The following COPS2 variants were observed in gnomAD, a reference collection of about 807,000 sequenced individuals.
COPS2 encodes COP9 signalosome complex subunit 2.
Under a neutral mutation model 66.1 loss-of-function variants are expected in COPS2, and 10 were observed. The observed-to-expected ratio is 0.15, with a 90% CI of 0.09 to 0.26. The LOEUF is 0.26. Ranked by LOEUF, COPS2 falls within the 10% of genes least tolerant of loss-of-function variation. The pLI, the probability that COPS2 is intolerant of heterozygous loss-of-function variation, is 1.00. For synonymous variants in COPS2, 179 were observed against 171.3 expected (o/e 1.04, Z -0.35); for missense variants, 215 against 513.3 (o/e 0.42, Z 5.62).
chr15:49,134,119 TAAGAC>T lies in COPS2; in HGVS notation c.716-16_716-12del. 1 of 1,598,894 alleles carries T rather than the reference TAAGAC, an allele frequency of 6.3e-7. No individual in the cohort carries two copies. Among genetic ancestry groups the T allele is most frequent in the Non-Finnish European group, 8.5e-7 (1 of 1,173,662 alleles). ...TTTTACCACCACATTCTGTGAAGAA[TAAGAC>T]ATGAGAAAATAGGACATTTTCAGTT... On this transcript the variant is annotated splice_polypyrimidine_tract_variant and intron_variant, in intron 7 of 12. Transcript: ENST00000388901.
chr15:49,127,989 T>G lies in COPS2; in HGVS notation c.1293A>C (p.Leu431=), dbSNP rs770987851. 2.9e-5 allele frequency: 46 copies of G among 1,613,916 alleles called. No homozygotes were observed. Among genetic ancestry groups the G allele is most frequent in the Middle Eastern group, 1.6e-4 (1 of 6,082 alleles). The part of the protein sequence containing the change: ...YTALDKWTNQ[L]NSLNQAVVSK... ...TGACTACAGCCTGGTTGAGAGAATT[T>G]AGTTGGTTGGTCCATTTATCTAGTG... The change falls in exon 13 of 13, where the codon CTA becomes CTC. Residue 431 remains leucine, a synonymous_variant. Coordinates refer to ENST00000388901, the MANE Select transcript of COPS2 (RefSeq NM_004236.4).
chr15:49,133,530 G>GACAC (rs1287212305), intron 9 of COPS2, among the ~76,000 whole-genome samples: 3 of 147,974 alleles, frequency 2.0e-5, no homozygotes, highest in Non-Finnish European at 4.5e-5. Context: ...CAGACAGACA[G>GACAC]ACACACACAC....
intron 11 of COPS2, 110 bp downstream of exon 11, chr15:49,129,367 T>C (rs1595819029): frequency 2.7e-6 from 1 of 374,312 alleles, no homozygotes; most frequent in African/African-American, 2.2e-5. Flanking sequence ...AAAAAATGTA[T>C]TATTATAATA....
intron 11 of COPS2, 61 bp downstream of exon 11, chr15:49,129,416 T>G: frequency 1.6e-6 from 1 of 607,264 alleles, no homozygotes; most frequent in South Asian, 3.7e-5. Context: ...AATGCAAGAC[T>G]GGTATACTGC....
rs528024774 is a variant in COPS2, at chr15:49,142,189, G to A, written c.246+2038C>T. On this transcript the variant is annotated intron_variant, in intron 3 of 12. Coordinates refer to ENST00000388901, the MANE Select transcript of COPS2 (RefSeq NM_004236.4). ...TGTTTTGAGAGTATCAAAGCAGTAG[G>A]AGTAGAAAGGGTAAATATAATGTAG... Among the ~76,000 whole-genome samples the A allele has an allele frequency of 2.6e-5, 4 of 152,310 alleles. No individual in the cohort carries two copies. The South Asian group carries it at 6.2e-4, about 24-fold the overall frequency.
At chr15:49,152,973 A>C (rs1450425513) in intron 1 of COPS2, among the ~76,000 whole-genome samples, 1 of 152,248 alleles carries the variant, frequency 6.6e-6, no homozygotes, top group Non-Finnish European at 1.5e-5. Flanking sequence ...TCATGGGACA[A>C]AAAGATTCTC....
In COPS2 at chr15:49,128,113, G is replaced by C; in HGVS notation, c.1188-19C>G. 1 of 1,610,020 alleles carries C rather than the reference G, an allele frequency of 6.2e-7. No individual in the cohort carries two copies. The highest frequency in any genetic ancestry group is 8.5e-7 in the Non-Finnish European group (1 of 1,177,702). On this transcript the variant is annotated intron_variant, in intron 12 of 12. Coordinates refer to ENST00000388901, the MANE Select transcript of COPS2 (RefSeq NM_004236.4). The stretch of plus-strand genomic sequence containing the variant: ...AATAGTGCTAGAAAGAAATAAATAA[G>C]ATGTGTCTACAAAAGACTTTCATCA...
At chr15:49,133,621 T>C (rs968516075) in intron 9 of COPS2, 138 bp downstream of exon 9, 5 of 596,052 alleles carry the variant, frequency 8.4e-6, no homozygotes, top group African/African-American at 1.9e-5. Context: ...CCTCAGAAGA[T>C]AAAAATTCTA....
chr15:49,153,319 G>T (rs895631561), intron 1 of COPS2, among the ~76,000 whole-genome samples: 2 of 144,730 alleles, frequency 1.4e-5, no homozygotes, highest in Non-Finnish European at 3.0e-5. Flanking sequence ...ACACATACAT[G>T]AAAAAAAAAA....
rs1595821309 is a variant in COPS2 at position 49,135,938 on chromosome 15, C to G, written c.540+1212G>C. ...TTCCTTATATACATACTGAAAGACC[C>G]TCCACCATTCAGAGATGGCTGTTCC... On this transcript the variant is annotated intron_variant, in intron 6 of 12. Transcript: ENST00000388901. Among the ~76,000 whole-genome samples, 4 of 152,282 alleles carry G rather than the reference C, an allele frequency of 2.6e-5. No homozygotes were observed. In the East Asian group the frequency reaches 5.8e-4, roughly 22 times the overall value.
chr15:49,144,382 G>T, intron 2 of COPS2, 78 bp from the exon 3 acceptor site: 4 of 819,874 alleles, frequency 4.9e-6, no homozygotes, highest in Admixed American at 2.1e-5. Flanking sequence ...TGTAAGTATT[G>T]AATTAATTTT....
chr15:49,139,658 G>T lies in COPS2; in HGVS notation c.247-5C>A. The T allele has an allele frequency of 6.3e-7, 1 of 1,577,208 alleles. No homozygotes were observed. The highest frequency in any genetic ancestry group is 1.2e-5 in the South Asian group (1 of 86,488). Reference sequence around the variant, plus strand: ...CATCATTTCTGGAAAGTTTGTCTGTGAGAAAAGAAAAATGAATTATCAGAT... The same window carrying T: ...CATCATTTCTGGAAAGTTTGTCTGTTAGAAAAGAAAAATGAATTATCAGAT... On this transcript the variant is annotated splice_region_variant and splice_polypyrimidine_tract_variant and intron_variant, in intron 3 of 12. Transcript: ENST00000388901.
At chr15:49,154,965 C>T (rs747391735) in intron 1 of COPS2, among the ~76,000 whole-genome samples, 20 of 152,206 alleles carry the variant, frequency 1.3e-4, no homozygotes, top group Non-Finnish European at 2.2e-4. Context: ...TCTGAACTCT[C>T]CCCTACACAC....
intron 10 of COPS2, among the ~76,000 whole-genome samples, chr15:49,129,887 G>C (rs1300491002): frequency 6.6e-6 from 1 of 152,080 alleles, no homozygotes; most frequent in African/African-American, 2.4e-5. Flanking sequence ...AGCCAGCCAA[G>C]TTCCTTGTTT....
intron 6 of COPS2, among the ~76,000 whole-genome samples, chr15:49,135,430 C>A (rs1176017040): frequency 6.6e-6 from 1 of 152,124 alleles, no homozygotes; most frequent in Non-Finnish European, 1.5e-5. Context: ...AAAGTTCACA[C>A]TCTAGTAGAA....
At chr15:49,137,042 G>T in intron 6 of COPS2, 108 bp downstream of exon 6, 1 of 689,486 alleles carries the variant, frequency 1.5e-6, no homozygotes, top group Non-Finnish European at 2.4e-6. Context: ...TTATTTTTCA[G>T]ATAATGCTTA....
intron 1 of COPS2, among the ~76,000 whole-genome samples, chr15:49,148,178 AATCATGAT>A (rs962748716): frequency 6.6e-6 from 1 of 152,182 alleles, no homozygotes; most frequent in Non-Finnish European, 1.5e-5. Flanking sequence ...TATACTCAAA[AATCATGAT>A]CTTTAATATA....
At chr15:49,147,978 C>T (rs547512223) in intron 1 of COPS2, among the ~76,000 whole-genome samples, 4 of 152,274 alleles carry the variant, frequency 2.6e-5, no homozygotes, top group African/African-American at 9.6e-5. Flanking sequence ...TGATCTGCAA[C>T]GCCATGTTCG....
intron 3 of COPS2, among the ~76,000 whole-genome samples, chr15:49,143,801 A>G (rs1222759224): frequency 1.3e-5 from 2 of 152,148 alleles, no homozygotes; most frequent in Non-Finnish European, 2.9e-5. Context: ...CCTGGCTAAC[A>G]TGGTGAAAGC....
Sources: gnomAD v4.1 joint callset for allele counts (sites outside exome capture counted in the v4.1 genomes callset) on GRCh38, gnomAD v4.1.1 for gene constraint, MANE v1.5 for transcripts, NCBI Gene and HGNC (gene_info 2026-07-23, HGNC 2026-07-21) for gene names.